The following CRACDL variants were observed in gnomAD, a reference collection of about 807,000 sequenced individuals.
CRACDL encodes CRACD-like protein.
In CRACDL, 26 loss-of-function variants were observed where a neutral mutation model predicts 70.6. The ratio of observed to expected loss-of-function variants is 0.37; its 90% CI spans 0.27 to 0.51. CRACDL has a LOEUF of 0.51. CRACDL is among the 20% of genes least tolerant of loss of function. CRACDL has a pLI of 0.94. For synonymous variants in CRACDL, 618 were observed against 615.2 expected, an observed-to-expected ratio of 1.00 and a Z score of -0.07; for missense variants, 1,283 against 1,376.9, an observed-to-expected ratio of 0.93 and a Z score of 1.08.
At chr2:98,840,147 T>C (rs950454641) in intron 2 of CRACDL, among the ~76,000 whole-genome samples, 1 of 152,204 alleles carries the variant, frequency 6.6e-6, no homozygotes, top group African/African-American at 2.4e-5. Context: ...TTTAAGGCAA[T>C]GCATTTCCCT....
At position 98,816,848 on chromosome 2, in the gene CRACDL, T is replaced by C. The variant is rs572546845; in HGVS notation, c.2416+5009A>G. On this transcript the variant is annotated intron_variant, in intron 7 of 9. Coordinates refer to ENST00000397899, the MANE Select transcript of CRACDL (RefSeq NM_207362.3). ...GTTTTCTTTAAGAATTCAAGACATA[T>C]GTGGGTATATACCCAAAATAACTGA... Among the ~76,000 whole-genome samples, 3 of 152,326 alleles carry C rather than the reference T, an allele frequency of 2.0e-5. No individual in the cohort carries two copies. The East Asian group carries it at 5.8e-4, about 29-fold the overall frequency.
chr2:98,927,285 C>T lies in CRACDL; in HGVS notation c.-11+8653G>A, dbSNP rs149777435. Among the ~76,000 whole-genome samples, 40 of 152,320 alleles carry T rather than the reference C, an allele frequency of 2.6e-4. 1 individual carries two copies. The South Asian group carries it at 2.9e-3, about 11-fold the overall frequency. ...GGAGCCACCAATGACTCCCTGGCCA[C>T]GCTGGAGGCAGCAGTTACCGGCGGG... is the stretch of plus-strand genomic sequence containing the variant. On this transcript the variant is annotated intron_variant, in intron 1 of 9. Coordinates refer to ENST00000397899, the MANE Select transcript of CRACDL (RefSeq NM_207362.3).
Position 98,826,990 on chromosome 2 carries a change from C to T in CRACDL, c.720G>A (p.Met240Ile), listed in dbSNP as rs1305187737. 1.2e-6 allele frequency: 2 copies of T among 1,613,492 alleles called. No homozygotes were observed. The highest frequency in any genetic ancestry group is 1.7e-6 in the Non-Finnish European group (2 of 1,179,716). Residue 240 changes from methionine (M) to isoleucine (I), a missense_variant, in exon 6 of 10, where the codon ATG becomes ATA. Met to Ile is a conservative substitution (Grantham distance 10). Transcript: ENST00000397899. ...ACCCAATTACCGATGAGAGCCGCCT[C>T]ATCTTACTCGACCGCTGGTTGCGGG... is the stretch of plus-strand genomic sequence containing the variant. ...VKPRNQRSSK[M>I]RRLSSRAQSE...
Position 98,823,181 on chromosome 2 carries a change from G to T in CRACDL, c.1092C>A (p.Pro364=). ...CATCCTGCTTTCCGCCGTCGGGACC[G>T]GGATTCGGGGGGCCCTCCGGCGGGG... ...PPSPPEGPPN[P]GPDGGKQDGE... Residue 364 remains proline (P), a synonymous_variant, in exon 7 of 10, where the codon CCC becomes CCA. Coordinates refer to ENST00000397899, the MANE Select transcript of CRACDL (RefSeq NM_207362.3). This position sits in a 1 kb window ranked among gnomAD's most constrained non-coding sequence, Gnocchi z 4.0. The T allele has an allele frequency of 1.3e-6, 2 of 1,496,362 alleles. No individual in the cohort carries two copies. Among genetic ancestry groups the T allele is most frequent in the Non-Finnish European group, 8.9e-7 (1 of 1,124,654 alleles). The allele number at this position is 1,496,362 out of a possible 1,614,324, so 92.7% of individuals were successfully genotyped here.
chr2:98,854,279 C>CAAAAAAAAAA (rs1229198569), intron 1 of CRACDL, among the ~76,000 whole-genome samples: 16 of 54,058 alleles, frequency 3.0e-4, no homozygotes, highest in African/African-American at 4.6e-4. Flanking sequence ...GACTCTGTCT[C>CAAAAAAAAAA]AAAAAAAAAA....
At chr2:98,801,264 A>G (rs192658272) in intron 7 of CRACDL, among the ~76,000 whole-genome samples, 2 of 152,306 alleles carry the variant, frequency 1.3e-5, no homozygotes, top group East Asian at 1.9e-4. Flanking sequence ...GAGTGCAGGA[A>G]TGGCAAATGG....
chr2:98,823,260 G>A lies in CRACDL; in HGVS notation c.1013C>T (p.Thr338Ile). 5.0e-6 allele frequency: 7 copies of A among 1,406,224 alleles called. No individual in the cohort carries two copies. Among genetic ancestry groups the A allele is most frequent in the Admixed American group, 3.3e-5 (1 of 30,276 alleles). 87.1% of individuals were successfully genotyped at this position (1,406,224 alleles called of 1,614,324 possible). ...PGEDPSSRPA[T>I]PELAEPESAP... ...CGACTCGGGCTCGGCGAGCTCCGGG[G>A]TGGCCGGGCGGCTTGAGGGGTCCTC... Residue 338 changes from threonine to isoleucine, a missense_variant, in exon 7 of 10, where the codon ACC becomes ATC. Thr to Ile is a moderately conservative substitution (Grantham distance 89). Transcript: ENST00000397899. The surrounding 1 kb of genome is among the most constrained non-coding windows in gnomAD (Gnocchi z 4.0).
At chr2:98,923,877 G>C (rs1409795224) in intron 1 of CRACDL, among the ~76,000 whole-genome samples, 1 of 152,212 alleles carries the variant, frequency 6.6e-6, no homozygotes, top group Non-Finnish European at 1.5e-5. Flanking sequence ...AGAATTTCCA[G>C]CCTTTACAAA....
At chr2:98,932,587 C>T (rs1473805890) in intron 1 of CRACDL, among the ~76,000 whole-genome samples, 2 of 152,124 alleles carry the variant, frequency 1.3e-5, no homozygotes, top group African/African-American at 2.4e-5. Flanking sequence ...GACAGTGGGC[C>T]GGGCTGTGTA....
chr2:98,909,941 C>T (rs1368804348), intron 1 of CRACDL, among the ~76,000 whole-genome samples: 4 of 152,226 alleles, frequency 2.6e-5, no homozygotes, highest in Non-Finnish European at 5.9e-5. Flanking sequence ...AAACTTAATT[C>T]TGAAGCAGGA....
At position 98,809,238 on chromosome 2, in the gene CRACDL, C is replaced by T. The variant is rs567456507; in HGVS notation, c.2417-11701G>A. Among the ~76,000 whole-genome samples the T allele has an allele frequency of 7.9e-5, 12 of 152,182 alleles. 1 individual carries two copies. The South Asian group carries it at 2.1e-3, about 26-fold the overall frequency. On this transcript the variant is annotated intron_variant, in intron 7 of 9. Transcript: ENST00000397899. Reference sequence around the variant, plus strand: ...AAGGAGAGTAGGGAGATCAGCAGGACTCTTTGGAGCCTTACAAGGTTTTGT... The same window carrying T: ...AAGGAGAGTAGGGAGATCAGCAGGATTCTTTGGAGCCTTACAAGGTTTTGT...
At chr2:98,857,279 T>C (rs1386314493) in intron 1 of CRACDL, among the ~76,000 whole-genome samples, 4 of 152,238 alleles carry the variant, frequency 2.6e-5, no homozygotes, top group African/African-American at 9.6e-5. Context: ...GAGGTTGATA[T>C]ATTTTGTACA....
chr2:98,816,098 G>A (rs962957346), intron 7 of CRACDL, among the ~76,000 whole-genome samples: 15 of 152,170 alleles, frequency 9.9e-5, no homozygotes, highest in Admixed American at 9.8e-4. Flanking sequence ...GCTCTGGCCT[G>A]CAGGGGTTGT....
chr2:98,916,482 G>A (rs1441725648), intron 1 of CRACDL, among the ~76,000 whole-genome samples: 2 of 148,970 alleles, frequency 1.3e-5, no homozygotes, highest in African/African-American at 5.1e-5. Flanking sequence ...CAGATTATAT[G>A]TCAATGATAC....
At chr2:98,806,987 G>A (rs578007360) in intron 7 of CRACDL, among the ~76,000 whole-genome samples, 180 of 152,220 alleles carry the variant, frequency 1.2e-3, no homozygotes, top group Middle Eastern at 6.8e-3. Flanking sequence ...AGTCAGGTAG[G>A]GAAGTTTCTC....
chr2:98,809,797 T>C lies in CRACDL; in HGVS notation c.2416+12060A>G, dbSNP rs1490996430. On this transcript the variant is annotated intron_variant, in intron 7 of 9. Transcript: ENST00000397899. ...CTGTGCAGCTGAGATGAGAATATTTTAGTACATGTTTAGGAAAGTATGACT... is the reference window on the plus strand; with the variant it reads ...CTGTGCAGCTGAGATGAGAATATTTCAGTACATGTTTAGGAAAGTATGACT... The C allele has an allele frequency of 2.0e-5, 3 of 152,362 alleles. No individual in the cohort carries two copies. The East Asian group carries it at 5.8e-4, about 29-fold the overall frequency. The allele number at this position is 152,362 out of a possible 1,614,324, so 9.4% of individuals were successfully genotyped here. A position where few individuals can be genotyped will look rare whatever the true frequency, so the allele number is the denominator to read the frequency against.
intron 1 of CRACDL, among the ~76,000 whole-genome samples, chr2:98,925,391 C>A (rs1465464783): frequency 1.3e-5 from 2 of 152,134 alleles, no homozygotes; most frequent in African/African-American, 2.4e-5. Flanking sequence ...AACAAGGTGA[C>A]AAGGAAAGGA....
chr2:98,826,166 TTTCTCAGC>T lies in CRACDL; in HGVS notation c.735+801_735+808del, dbSNP rs1315829391. 3.9e-5 allele frequency among the ~76,000 whole-genome samples: 6 copies of T among 152,262 alleles called. No individual in the cohort carries two copies. The East Asian group carries it at 1.2e-3, about 29-fold the overall frequency. Reference sequence around the variant, plus strand: ...GAAGCCAAAGTATTCCATGAGCCAGTTTCTCAGCTTCTAGGACTAGGAGGTAACGACAC... The same window carrying T: ...GAAGCCAAAGTATTCCATGAGCCAGTTTCTAGGACTAGGAGGTAACGACAC... On this transcript the variant is annotated intron_variant, in intron 6 of 9. Transcript: ENST00000397899.
intron 1 of CRACDL, among the ~76,000 whole-genome samples, chr2:98,895,628 T>A (rs1708100280): frequency 6.6e-6 from 1 of 152,128 alleles, no homozygotes; most frequent in Non-Finnish European, 1.5e-5. Context: ...TCCAGAACAT[T>A]ACACCATGCT....
Sources: allele counts gnomAD v4.1 joint callset (sites outside exome capture counted in the v4.1 genomes callset), GRCh38; gene constraint gnomAD v4.1.1; non-coding constraint Gnocchi (gnomAD v3.1); transcripts MANE v1.5; gene names NCBI Gene and HGNC (gene_info 2026-07-23, HGNC 2026-07-21).